The following STX16 variants were observed in gnomAD, a reference collection of about 807,000 sequenced individuals.
STX16 encodes the protein syntaxin 16.
STX16 carries 28 observed loss-of-function variants against 42.7 expected under a neutral mutation model. The ratio of observed to expected loss-of-function variants is 0.66; its 90% confidence interval spans 0.49 to 0.90. The LOEUF (loss-of-function observed/expected upper bound fraction) is 0.90, where lower values mean the gene tolerates loss of function less well. STX16 is among the 40% of genes least tolerant of loss of function. The probability of loss-of-function intolerance (pLI) is 0.00; values close to 1 mark genes in which losing one functional copy is unlikely to be tolerated. For missense variants in STX16, 361 were observed against 420.9 expected (o/e 0.86, Z 1.24); for synonymous variants, 156 against 155.2 (o/e 1.00, Z -0.04).
At chr20:58,672,082 C>T (rs1398210071) in intron 7 of STX16, among the ~76,000 whole-genome samples, 2 of 152,080 alleles carry the variant, frequency 1.3e-5, no homozygotes, top group Non-Finnish European at 1.5e-5. Flanking sequence ...TCTGTAATCC[C>T]AGCACTTTGG....
chr20:58,675,472 C>G (rs1173845920), intron 8 of STX16, among the ~76,000 whole-genome samples: 1 of 152,228 alleles, frequency 6.6e-6, no homozygotes, highest in Non-Finnish European at 1.5e-5. Context: ...ATTTCTCTAG[C>G]AGGCATGATG....
chr20:58,660,805 A>G (rs1337471805), intron 2 of STX16, among the ~76,000 whole-genome samples: 1 of 149,828 alleles, frequency 6.7e-6, no homozygotes, highest in Non-Finnish European at 1.5e-5. Flanking sequence ...TACACAAGAA[A>G]CTGTTAACAG....
Position 58,676,698 on chromosome 20 carries a change from C to A in STX16, c.*407C>A, listed in dbSNP as rs1242832470. 6.5e-6 allele frequency: 1 copy of A among 154,224 alleles called. No individual in the cohort carries two copies. The highest frequency in any genetic ancestry group is 1.4e-5 in the Non-Finnish European group (1 of 69,344). 9.6% of individuals were successfully genotyped at this position (154,224 alleles called of 1,614,324 possible). On this transcript the variant is annotated 3_prime_UTR_variant, in exon 9 of 9. Transcript: ENST00000371141. ...TTAACATAATTTTTGGAAAAATTTT[C>A]TTTAAACCATCTGGTTTTTAAGAAA...
intron 1 of STX16, 87 bp from the exon 2 acceptor site, chr20:58,659,536 A>G: frequency 1.4e-6 from 2 of 1,404,136 alleles, no homozygotes; most frequent in Non-Finnish European, 9.7e-7. Context: ...TCAACTGACC[A>G]TGCCTTGTCT....
In STX16 at chr20:58,677,243, C is replaced by A. The variant is rs886056854; in HGVS notation, c.*952C>A. 9.2e-5 allele frequency: 14 copies of A among 152,636 alleles called. No individual in the cohort carries two copies. The allele number at this position is 152,636 out of a possible 1,614,324, so 9.5% of individuals were successfully genotyped here. ...CTATTTAATGAACTGTGAATTTACA[C>A]AGAGGCCATTTTAAATGGGTCACCC... On this transcript the variant is annotated 3_prime_UTR_variant, in exon 9 of 9. Coordinates refer to ENST00000371141, the MANE Select transcript of STX16 (RefSeq NM_001001433.3).
At chr20:58,664,676 C>T (rs1023835624) in intron 2 of STX16, among the ~76,000 whole-genome samples, 1 of 152,244 alleles carries the variant, frequency 6.6e-6, no homozygotes, top group African/African-American at 2.4e-5. Flanking sequence ...GTATTCACTT[C>T]AACCGACTTT....
chr20:58,673,474 G>A (rs1415830009), intron 7 of STX16, among the ~76,000 whole-genome samples, 157 bp from the exon 8 acceptor site: 1 of 152,160 alleles, frequency 6.6e-6, no homozygotes, highest in Non-Finnish European at 1.5e-5. Context: ...ACTGCTTGAG[G>A]GTGAACTCCA....
At chr20:58,653,954 A>C (rs1430984160) in intron 1 of STX16, among the ~76,000 whole-genome samples, 1 of 152,132 alleles carries the variant, frequency 6.6e-6, no homozygotes, top group Non-Finnish European at 1.5e-5. Context: ...CCACTTTAGA[A>C]AATTATTTTC....
Position 58,673,648 on chromosome 20 carries a change from A to AATTGACT in STX16, c.813_819dup (p.Asn274Ter). Reference sequence around the variant, plus strand: ...TTACCTAGGGTACAGTCCTTGACAGAATTGACTATAACGTTGAACAGTCCT... The same window carrying AATTGACT: ...TTACCTAGGGTACAGTCCTTGACAGAATTGACTATTGACTATAACGTTGAACAGTCCT... On this transcript the variant is annotated frameshift_variant, in exon 8 of 9. Coordinates refer to ENST00000371141, the MANE Select transcript of STX16 (RefSeq NM_001001433.3). LOFTEE classifies it high-confidence loss of function. 1 of 1,613,018 alleles carries AATTGACT rather than the reference A, an allele frequency of 6.2e-7. No homozygotes were observed. The highest frequency in any genetic ancestry group is 8.5e-7 in the Non-Finnish European group (1 of 1,179,002).
At chr20:58,656,917 C>T (rs537591921) in intron 1 of STX16, among the ~76,000 whole-genome samples, 2 of 152,148 alleles carry the variant, frequency 1.3e-5, no homozygotes, top group African/African-American at 2.4e-5. Context: ...TTGTTTTTCT[C>T]AGATACAGAT....
chr20:58,671,850 T>C (rs973067798), intron 7 of STX16, among the ~76,000 whole-genome samples: 20 of 152,040 alleles, frequency 1.3e-4, no homozygotes, highest in East Asian at 3.8e-4. Context: ...TTGAAACTTT[T>C]TTTTGAGTGC....
intron 1 of STX16, among the ~76,000 whole-genome samples, chr20:58,655,751 T>A (rs985794857): frequency 3.3e-5 from 5 of 152,300 alleles, no homozygotes; most frequent in Middle Eastern, 3.4e-3. Context: ...CAGAATTCTT[T>A]CCAGGCCTAG....
chr20:58,658,163 C>T (rs949880165), intron 1 of STX16, among the ~76,000 whole-genome samples: 2 of 151,976 alleles, frequency 1.3e-5, no homozygotes, highest in Non-Finnish European at 2.9e-5. Flanking sequence ...AGATTTTAAC[C>T]GAGGTTTGCA....
Position 58,651,985 on chromosome 20 carries a change from G to A in STX16, c.-22G>A. ...ATAAGTGGGCGGGGGGCCCCTGAGA[G>A]GGGGGTCGCAAAGGGTGAGACATGG... is the stretch of plus-strand genomic sequence containing the variant. On this transcript the variant is annotated 5_prime_UTR_variant, in exon 1 of 9. Transcript: ENST00000371141. 3.1e-6 allele frequency: 5 copies of A among 1,612,380 alleles called. No individual in the cohort carries two copies. Among genetic ancestry groups the A allele is most frequent in the Non-Finnish European group, 3.4e-6 (4 of 1,178,536 alleles).
At chr20:58,663,333 A>G (rs745459848) in intron 2 of STX16, among the ~76,000 whole-genome samples, 2 of 152,272 alleles carry the variant, frequency 1.3e-5, no homozygotes, top group Admixed American at 6.5e-5. Flanking sequence ...AGCAAGATTT[A>G]TAAGAGAGAA....
intron 2 of STX16, among the ~76,000 whole-genome samples, chr20:58,666,402 CT>C: frequency 6.8e-6 from 1 of 147,276 alleles, no homozygotes; most frequent in South Asian, 2.2e-4. Flanking sequence ...TGATTTCCCT[CT>C]GTTTTTTGTG....
chr20:58,669,197 G>T (rs1270170539), intron 4 of STX16, 94 bp from the exon 5 acceptor site: 5 of 1,341,252 alleles, frequency 3.7e-6, no homozygotes, highest in Non-Finnish European at 4.1e-6. Context: ...AGTGAACAGA[G>T]CCTCTCACTT....
In STX16 at chr20:58,657,059, G is replaced by C. The variant is rs6070547; in HGVS notation, c.133-2564G>C. On this transcript the variant is annotated intron_variant, in intron 1 of 8. Coordinates refer to ENST00000371141, the MANE Select transcript of STX16 (RefSeq NM_001001433.3). This position sits in a 1 kb window ranked among gnomAD's most constrained non-coding sequence, Gnocchi z 4.2. ...TCACCTCCTGGGCCACTCTGGTGTT[G>C]GCTGCATTTTCAGAACTTGTGCTGC... is the stretch of plus-strand genomic sequence containing the variant. Among the ~76,000 whole-genome samples, 2,104 of 152,292 alleles carry C rather than the reference G, an allele frequency of 0.014. 16 individuals are homozygous for C. The highest frequency in any genetic ancestry group is 0.051 in the Middle Eastern group (15 of 294).
intron 1 of STX16, among the ~76,000 whole-genome samples, chr20:58,654,098 AATAG>A (rs1198670628): frequency 6.6e-6 from 1 of 152,184 alleles, no homozygotes; most frequent in Non-Finnish European, 1.5e-5. Context: ...GTTTTTTGAA[AATAG>A]ATTTCTAAAC....
Sources: allele counts gnomAD v4.1 joint callset (sites outside exome capture counted in the v4.1 genomes callset), GRCh38; gene constraint gnomAD v4.1.1; non-coding constraint Gnocchi (gnomAD v3.1); transcripts MANE v1.5; gene names NCBI Gene and HGNC (gene_info 2026-07-23, HGNC 2026-07-21).